Variants in CCDC13 observed in about 807,000 individuals in gnomAD.
The protein encoded by CCDC13 is coiled-coil domain containing 13, also known as coiled-coil domain-containing protein 13.
CCDC13 carries 70 observed loss-of-function variants against 87.3 expected under a neutral mutation model. The ratio of observed to expected loss-of-function variants is 0.80; its 90% CI spans 0.66 to 0.98. The LOEUF (loss-of-function observed/expected upper bound fraction) is 0.98, where lower values mean the gene tolerates loss of function less well. Ranked by LOEUF, CCDC13 falls within the 50% of genes least tolerant of loss-of-function variation. The probability of loss-of-function intolerance (pLI) is 0.00; values close to 1 mark genes in which losing one functional copy is unlikely to be tolerated. For missense variants in CCDC13, 842 were observed against 892.0 expected (o/e 0.94, Z 0.71); for synonymous variants, 317 against 360.3 (o/e 0.88, Z 1.36).
At chr3:42,736,038 C>G (rs1699003763) in intron 9 of CCDC13, 125 bp from the exon 10 acceptor site, 1 of 839,608 alleles carries the variant, frequency 1.2e-6, no homozygotes, top group Non-Finnish European at 1.9e-6. Context: ...ATCCTGTTCC[C>G]TCGAGAGGCA....
In CCDC13 at chr3:42,724,058, T is replaced by TG. The variant is rs1479752533; in HGVS notation, c.1718+6408dup. Reference sequence around the variant, plus strand: ...TATGTGGCAGCTATTGACTCAACTGTGGGGGAGGGGCTTTCACTTTTCTGT... The same window carrying TG: ...TATGTGGCAGCTATTGACTCAACTGTGGGGGGAGGGGCTTTCACTTTTCTGT... On this transcript the variant is annotated intron_variant, in intron 13 of 15. Coordinates refer to ENST00000310232, the MANE Select transcript of CCDC13 (RefSeq NM_144719.4). Among the ~76,000 whole-genome samples, 5 of 152,308 alleles carry TG rather than the reference T, an allele frequency of 3.3e-5. No individual in the cohort carries two copies. The East Asian group carries it at 9.6e-4, about 29-fold the overall frequency.
At chr3:42,709,659 T>C (rs1327067322) in intron 15 of CCDC13, 25 bp downstream of exon 15, 1 of 1,584,476 alleles carries the variant, frequency 6.3e-7, no homozygotes, top group African/African-American at 1.3e-5. Flanking sequence ...CCCTACCCTT[T>C]CAGGAAGGCG....
intron 5 of CCDC13, among the ~76,000 whole-genome samples, chr3:42,748,778 C>T (rs776976087): frequency 7.2e-5 from 11 of 152,174 alleles, no homozygotes; most frequent in Non-Finnish European, 1.3e-4. Context: ...GAACAGCCAA[C>T]GTGAACAGAA....
intron 8 of CCDC13, 56 bp from the exon 9 acceptor site, chr3:42,739,866 T>C: frequency 6.5e-7 from 1 of 1,533,768 alleles, no homozygotes; most frequent in Non-Finnish European, 8.9e-7. Flanking sequence ...CTTGGCCACA[T>C]CTGCTCCCTG....
intron 13 of CCDC13, among the ~76,000 whole-genome samples, chr3:42,722,289 A>G (rs60848234): frequency 0.017 from 2,574 of 152,282 alleles, 87 homozygotes; most frequent in African/African-American, 0.058. Flanking sequence ...CAAAAGATGG[A>G]TCTTCGTCCC....
In CCDC13 at chr3:42,708,764, C is replaced by T. The variant is rs938663524; in HGVS notation, c.*216G>A. 6.4e-6 allele frequency: 3 copies of T among 467,592 alleles called. No individual in the cohort carries two copies. Among genetic ancestry groups the T allele is most frequent in the Non-Finnish European group, 1.1e-5 (3 of 271,912 alleles). 29.0% of individuals were successfully genotyped at this position (467,592 alleles called of 1,614,324 possible). A position where few individuals can be genotyped will look rare whatever the true frequency, so the allele number is the denominator to read the frequency against. ...CTCCCTGCTGCTGTAACCCAGCCAGCCCAGGGTCTCCTGCAGTGTCCCACC... is the reference window on the plus strand; with the variant it reads ...CTCCCTGCTGCTGTAACCCAGCCAGTCCAGGGTCTCCTGCAGTGTCCCACC... On this transcript the variant is annotated 3_prime_UTR_variant, in exon 16 of 16. Coordinates refer to ENST00000310232, the MANE Select transcript of CCDC13 (RefSeq NM_144719.4).
chr3:42,705,190 G>T (rs1453250171), downstream of CCDC13, among the ~76,000 whole-genome samples: 2 of 152,210 alleles, frequency 1.3e-5, no homozygotes, highest in Non-Finnish European at 2.9e-5. Context: ...TGGGGAGAAG[G>T]TGGGCAGGCC....
At chr3:42,754,467 A>G (rs1216191005) in intron 3 of CCDC13, among the ~76,000 whole-genome samples, 1 of 152,152 alleles carries the variant, frequency 6.6e-6, no homozygotes, top group Non-Finnish European at 1.5e-5. Flanking sequence ...GGGTGGTGAT[A>G]ATAAAGGATC....
intron 13 of CCDC13, among the ~76,000 whole-genome samples, chr3:42,718,634 C>A (rs1698485881): frequency 6.6e-6 from 1 of 151,966 alleles, no homozygotes; most frequent in Non-Finnish European, 1.5e-5. Flanking sequence ...AGGAAACCCC[C>A]AACTCAAAGG....
At chr3:42,725,246 C>T (rs576747849) in intron 13 of CCDC13, among the ~76,000 whole-genome samples, 2 of 152,182 alleles carry the variant, frequency 1.3e-5, no homozygotes, top group East Asian at 3.9e-4. Context: ...TTTTAAAAGG[C>T]AATTTGTCAT....
chr3:42,763,284 C>T lies in CCDC13; in HGVS notation c.-6-4933G>A, dbSNP rs188981978. Among the ~76,000 whole-genome samples the T allele has an allele frequency of 3.3e-4, 51 of 152,272 alleles. 1 individual carries two copies. The East Asian group carries it at 7.1e-3, about 21-fold the overall frequency. Reference sequence around the variant, plus strand: ...TTCCTAGTCAGGTTACAGTTTACTACGTACAGAGAAACCTTTAGGCTGAAC... The same window carrying T: ...TTCCTAGTCAGGTTACAGTTTACTATGTACAGAGAAACCTTTAGGCTGAAC... On this transcript the variant is annotated intron_variant, in intron 1 of 15. Coordinates refer to ENST00000310232, the MANE Select transcript of CCDC13 (RefSeq NM_144719.4).
intron 1 of CCDC13, among the ~76,000 whole-genome samples, chr3:42,770,236 C>G (rs572812497): frequency 6.3e-4 from 96 of 152,082 alleles, no homozygotes; most frequent in African/African-American, 2.3e-3. Flanking sequence ...CAATCAGCAC[C>G]CTATGTCTAG....
intron 5 of CCDC13, among the ~76,000 whole-genome samples, chr3:42,750,121 C>T (rs1316809277): frequency 6.6e-6 from 1 of 152,236 alleles, no homozygotes. Flanking sequence ...AAAACTCCTG[C>T]TCCAGCTGCC....
At chr3:42,768,706 A>G (rs200944383) in intron 1 of CCDC13, among the ~76,000 whole-genome samples, 1 of 144,356 alleles carries the variant, frequency 6.9e-6, no homozygotes, top group African/African-American at 2.5e-5. Flanking sequence ...ATAAAAAAAA[A>G]TAAAAAACAA....
At chr3:42,745,849 G>C (rs776421168) in intron 7 of CCDC13, 74 bp downstream of exon 7, 6 of 1,195,918 alleles carry the variant, frequency 5.0e-6, no homozygotes, top group East Asian at 4.7e-5. Flanking sequence ...GGTCTCTAAG[G>C]GGGTCAGGGC....
intron 14 of CCDC13, among the ~76,000 whole-genome samples, chr3:42,712,029 C>T (rs1027269994): frequency 1.3e-5 from 2 of 152,198 alleles, no homozygotes; most frequent in African/African-American, 4.8e-5. Flanking sequence ...GAGACCCTTC[C>T]TTCCCGGCCT....
intron 13 of CCDC13, among the ~76,000 whole-genome samples, chr3:42,728,171 C>T (rs977165032): frequency 2.0e-5 from 3 of 152,242 alleles, no homozygotes; most frequent in Admixed American, 6.5e-5. Context: ...GGATACAAGA[C>T]TTGAGGAAAG....
intron 1 of CCDC13, among the ~76,000 whole-genome samples, chr3:42,759,466 A>G (rs180795423): frequency 6.6e-6 from 1 of 152,238 alleles, no homozygotes; most frequent in African/African-American, 2.4e-5. Context: ...CCCAATCCCA[A>G]TCCCAGGCAA....
rs1036484688 is a variant in CCDC13 at position 42,707,985 on chromosome 3, C to A, written c.*995G>T. Among the ~76,000 whole-genome samples, 1 of 152,160 alleles carries A rather than the reference C, an allele frequency of 6.6e-6. No homozygotes were observed. The highest frequency in any genetic ancestry group is 1.5e-5 in the Non-Finnish European group (1 of 67,998). On this transcript the variant is annotated 3_prime_UTR_variant, in exon 16 of 16. Transcript: ENST00000310232. ...GCCTGCGGATCTTAGGGTGCCCCTG[C>A]AGCATCCCTCCAAGTTCACCATGGC...
Sources: allele counts gnomAD v4.1 joint callset (sites outside exome capture counted in the v4.1 genomes callset), GRCh38; gene constraint gnomAD v4.1.1; transcripts MANE v1.5; gene names NCBI Gene and HGNC (gene_info 2026-07-23, HGNC 2026-07-21).